NR2C2: variants seen among roughly 807,000 people sequenced by gnomAD.
The protein encoded by NR2C2 is nuclear receptor subfamily 2 group C member 2.
Under a neutral mutation model 62.9 loss-of-function variants are expected in NR2C2, and 6 were observed. The ratio of observed to expected loss-of-function variants is 0.10; its 90% confidence interval spans 0.05 to 0.19. The LOEUF (loss-of-function observed/expected upper bound fraction) is 0.19. Among genes scored for constraint, NR2C2 ranks in the 10% least tolerant of loss-of-function variants. The pLI is 1.00. For missense variants in NR2C2, 479 were observed against 762.7 expected, an observed-to-expected ratio of 0.63 and a Z score of 4.38; for synonymous variants, 272 against 273.8, an observed-to-expected ratio of 0.99 and a Z score of 0.07.
rs746510341 is a variant in NR2C2, at chr3:15,013,772, G to A, written c.256G>A (p.Val86Ile). The change falls in exon 3 of 14, where the codon GTC becomes ATC. Residue 86 changes from valine to isoleucine, a missense_variant. This residue lies in a region of NR2C2 where 115 missense variants were observed against 152.3 expected (regional missense o/e 0.76). Coordinates refer to ENST00000425241, the MANE Select transcript of NR2C2 (RefSeq NM_001291694.2). ...QLIFTTSDNL[V>I]PGRIQIVTDS... ...CATATTCACCACCTCAGACAACCTC[G>A]TCCCTGGCAGGATCCAGGTAAGGCC... The A allele has an allele frequency of 1.6e-5, 26 of 1,614,040 alleles. No homozygotes were observed. The highest frequency in any genetic ancestry group is 4.5e-5 in the East Asian group (2 of 44,880).
intron 1 of NR2C2, among the ~76,000 whole-genome samples, chr3:14,968,752 T>C (rs1474447187): frequency 7.2e-6 from 1 of 139,178 alleles, no homozygotes; most frequent in Non-Finnish European, 1.5e-5. Flanking sequence ...CCAACAATGA[T>C]AGACTGGATT....
At chr3:15,022,775 C>T (rs1041801686) in intron 5 of NR2C2, among the ~76,000 whole-genome samples, 1 of 152,084 alleles carries the variant, frequency 6.6e-6, no homozygotes, top group Non-Finnish European at 1.5e-5. Flanking sequence ...CCTGTAATTC[C>T]AGCACTTTGG....
At chr3:15,036,513 G>C (rs1330970813) in intron 11 of NR2C2, among the ~76,000 whole-genome samples, 1 of 152,020 alleles carries the variant, frequency 6.6e-6, no homozygotes, top group Admixed American at 6.6e-5. Flanking sequence ...TTTGTTTTTT[G>C]ATACAGTCTC....
chr3:14,996,898 T>A (rs2040849082), intron 1 of NR2C2, among the ~76,000 whole-genome samples: 2 of 152,200 alleles, frequency 1.3e-5, no homozygotes, highest in East Asian at 3.8e-4. Flanking sequence ...ACAGTACAAG[T>A]TTCAGAGCCC....
At chr3:14,994,977 CTTTTTTTTT>C (rs71038447) in intron 1 of NR2C2, among the ~76,000 whole-genome samples, 18 of 104,150 alleles carry the variant, frequency 1.7e-4, no homozygotes, top group Admixed American at 1.3e-3. Context: ...ATACAATTCA[CTTTTTTTTT>C]TTTTTTTTTT....
chr3:14,970,412 T>A, intron 1 of NR2C2, among the ~76,000 whole-genome samples: 1 of 152,320 alleles, frequency 6.6e-6, no homozygotes, highest in East Asian at 1.9e-4. Flanking sequence ...TCTGTAACCA[T>A]CACCACCATC....
intron 8 of NR2C2, among the ~76,000 whole-genome samples, chr3:15,028,929 C>A (rs1448341871): frequency 6.6e-6 from 1 of 152,152 alleles, no homozygotes; most frequent in Non-Finnish European, 1.5e-5. Context: ...ATCAAAACTT[C>A]TTTTCATTCC....
chr3:15,006,031 T>G (rs1280725945), intron 2 of NR2C2, among the ~76,000 whole-genome samples: 1 of 151,776 alleles, frequency 6.6e-6, no homozygotes, highest in Non-Finnish European at 1.5e-5. Flanking sequence ...CAAAGTGAGA[T>G]TGTATCTCTA....
At chr3:14,989,153 G>C (rs1481793319) in intron 1 of NR2C2, among the ~76,000 whole-genome samples, 2 of 152,188 alleles carry the variant, frequency 1.3e-5, no homozygotes, top group African/African-American at 4.8e-5. Context: ...CTCAAAGCCA[G>C]AGAACCTAGG....
In NR2C2 at chr3:14,977,020, C is replaced by T. The variant is rs532153842; in HGVS notation, c.-39-26856C>T. 1.1e-4 allele frequency among the ~76,000 whole-genome samples: 16 copies of T among 152,314 alleles called. No homozygotes were observed. The South Asian group carries it at 2.5e-3, about 24-fold the overall frequency. ...TTCTTTCAGTCAAAGTTCATGTCCT[C>T]CTGTTCTGGGAAATTGTTTTATGCT... On this transcript the variant is annotated intron_variant, in intron 1 of 13. Transcript: ENST00000425241.
At chr3:15,022,819 A>T (rs1186227939) in intron 5 of NR2C2, among the ~76,000 whole-genome samples, 1 of 152,194 alleles carries the variant, frequency 6.6e-6, no homozygotes, top group Non-Finnish European at 1.5e-5. Flanking sequence ...TGAGCCCAGG[A>T]TGAGTCCAGA....
chr3:14,967,132 A>G (rs1279413469), intron 1 of NR2C2, among the ~76,000 whole-genome samples: 1 of 152,020 alleles, frequency 6.6e-6, no homozygotes, highest in Non-Finnish European at 1.5e-5. Flanking sequence ...AAGTTATCTA[A>G]TTTGTTGGTG....
At chr3:14,950,846 GA>G (rs149668097) in intron 1 of NR2C2, among the ~76,000 whole-genome samples, 5,496 of 152,274 alleles carry the variant, frequency 0.036, 353 homozygotes, top group African/African-American at 0.12. Flanking sequence ...TACATTGATG[GA>G]TACCTTTTGT....
chr3:15,030,088 G>A (rs951459049), intron 8 of NR2C2, among the ~76,000 whole-genome samples, 187 bp from the exon 9 acceptor site: 1 of 152,152 alleles, frequency 6.6e-6, no homozygotes, highest in Non-Finnish European at 1.5e-5. Context: ...ACTTTGAGAG[G>A]CCAAGGCAGG....
intron 4 of NR2C2, among the ~76,000 whole-genome samples, chr3:15,019,347 G>GA (rs1170877608): frequency 6.6e-6 from 1 of 152,154 alleles, no homozygotes; most frequent in African/African-American, 2.4e-5. Flanking sequence ...AGCCACTATA[G>GA]AAAACTGTAT....
rs1202512526 is a variant in NR2C2 at position 15,047,823 on chromosome 3, CTT to C, written c.*4817_*4818del. 2 of 152,216 alleles carry C rather than the reference CTT, an allele frequency of 1.3e-5. No individual in the cohort carries two copies. The highest frequency in any genetic ancestry group is 1.3e-4 in the Admixed American group (2 of 15,278). 9.4% of individuals were successfully genotyped at this position (152,216 alleles called of 1,614,324 possible). ...TCTCTAACTGTAAGCATGTAAATGA[CTT>C]TAACTCCTTTCTATAAGTTATGATT... is the stretch of plus-strand genomic sequence containing the variant. On this transcript the variant is annotated 3_prime_UTR_variant, in exon 14 of 14. Transcript: ENST00000425241.
chr3:15,042,475 C>G (rs527908753), intron 13 of NR2C2: 1 of 174,248 alleles, frequency 5.7e-6, no homozygotes, highest in African/African-American at 2.4e-5. Flanking sequence ...TCAGTAAATA[C>G]AGGTTTGTAT....
chr3:15,039,177 G>C lies in NR2C2; in HGVS notation c.1566G>C (p.Gln522His), dbSNP rs1434470569. 6.2e-7 allele frequency: 1 copy of C among 1,614,208 alleles called. No homozygotes were observed. The highest frequency in any genetic ancestry group is 8.5e-7 in the Non-Finnish European group (1 of 1,180,036). Residue 522 changes from glutamine (Q) to histidine (H), a missense_variant, in exon 13 of 14, where the codon CAG (glutamine) becomes CAC (histidine). This residue lies in a region of NR2C2 where 162 missense variants were observed against 296.8 expected (regional missense o/e 0.55). Transcript: ENST00000425241. Reference sequence around the variant, plus strand: ...TTGAAAAATTCCAAGAAAAGGCACAGATGGAGTTGCAGGACTATGTTCAGA... The same window carrying C: ...TTGAAAAATTCCAAGAAAAGGCACACATGGAGTTGCAGGACTATGTTCAGA... ...SQIEKFQEKA[Q>H]MELQDYVQKT...
At chr3:15,002,844 G>T (rs1478274962) in intron 1 of NR2C2, among the ~76,000 whole-genome samples, 1 of 150,552 alleles carries the variant, frequency 6.6e-6, no homozygotes, top group Non-Finnish European at 1.5e-5. Context: ...TTTTAGTAGA[G>T]ACAGGGTTTT....
Sources: allele counts gnomAD v4.1 joint callset (sites outside exome capture counted in the v4.1 genomes callset), GRCh38; gene constraint gnomAD v4.1.1; regional missense constraint gnomAD v4.1.1; transcripts MANE v1.5; gene names NCBI Gene and HGNC (gene_info 2026-07-23, HGNC 2026-07-21).